Variants in DNAJB4 observed in about 807,000 individuals in gnomAD.
DNAJB4 encodes the protein dnaJ homolog subfamily B member 4.
A neutral mutation model predicts 26.6 loss-of-function variants in DNAJB4; 10 were observed. The ratio of observed to expected loss-of-function variants is 0.38; its 90% CI spans 0.23 to 0.64. The LOEUF is 0.64. DNAJB4 is among the 30% of genes least tolerant of loss of function. The pLI is 0.58. For missense variants in DNAJB4, 328 were observed against 408.2 expected, an observed-to-expected ratio of 0.80 and a Z score of 1.69; for synonymous variants, 136 against 134.8, an observed-to-expected ratio of 1.01 and a Z score of -0.06.
intron 1 of DNAJB4, among the ~76,000 whole-genome samples, chr1:77,986,208 C>T (rs148172546): frequency 2.0e-5 from 3 of 152,102 alleles, no homozygotes; most frequent in African/African-American, 7.2e-5. Context: ...GGTTACAGCC[C>T]GGGAACTTCA....
intron 1 of DNAJB4, chr1:77,980,339 A>ATGTGTGTG (rs201096933): frequency 1.6e-5 from 2 of 126,132 alleles, no homozygotes; most frequent in Admixed American, 7.4e-5. Flanking sequence ...ATATATATAT[A>ATGTGTGTG]TGTGTGTGTG....
chr1:77,997,983 T>C (rs1428040783), intron 1 of DNAJB4, among the ~76,000 whole-genome samples: 1 of 152,110 alleles, frequency 6.6e-6, no homozygotes, highest in African/African-American at 2.4e-5. Context: ...TTTTACCGTG[T>C]TGGCTGGTCT....
intron 2 of DNAJB4, among the ~76,000 whole-genome samples, chr1:78,014,240 T>G (rs1425626438): frequency 1.3e-5 from 2 of 151,918 alleles, no homozygotes; most frequent in Non-Finnish European, 2.9e-5. Flanking sequence ...CCTAAGTAGC[T>G]GGGATTACAG....
chr1:78,005,375 T>TC (rs1660305382), intron 1 of DNAJB4, 54 bp downstream of exon 1: 86 of 1,354,192 alleles, frequency 6.4e-5, no homozygotes, highest in African/African-American at 3.7e-4. Context: ...CTTTTTTTTT[T>TC]TTCTCTCTCT....
At chr1:77,991,762 A>G (rs997015682) in intron 1 of DNAJB4, among the ~76,000 whole-genome samples, 11 of 152,184 alleles carry the variant, frequency 7.2e-5, no homozygotes, top group African/African-American at 2.2e-4. Flanking sequence ...GCCTCTAAGC[A>G]TAGTGCTAAA....
Position 78,014,073 on chromosome 1 carries a change from TATA to T in DNAJB4, c.780+457_780+459del, listed in dbSNP as rs144426423. Among the ~76,000 whole-genome samples, 78 of 152,062 alleles carry T rather than the reference TATA, an allele frequency of 5.1e-4. 1 individual carries two copies. Among genetic ancestry groups the T allele is most frequent in the African/African-American group, 1.8e-3 (75 of 41,526 alleles). ...CATATAAATATATACATTTATAAATTATAATGCTACTATGTTAATACAATTATT... is the reference window on the plus strand; with the variant it reads ...CATATAAATATATACATTTATAAATTATGCTACTATGTTAATACAATTATT... On this transcript the variant is annotated intron_variant, in intron 2 of 2. Coordinates refer to ENST00000370763, the MANE Select transcript of DNAJB4 (RefSeq NM_007034.5).
At chr1:78,010,552 C>T (rs1351224776) in intron 1 of DNAJB4, among the ~76,000 whole-genome samples, 1 of 152,172 alleles carries the variant, frequency 6.6e-6, no homozygotes, top group Non-Finnish European at 1.5e-5. Flanking sequence ...TTGTTCAATA[C>T]ATATTTTGGC....
intron 1 of DNAJB4, among the ~76,000 whole-genome samples, chr1:77,995,126 A>G (rs1660029911): frequency 6.6e-6 from 1 of 152,238 alleles, no homozygotes. Flanking sequence ...TATTTCAAAT[A>G]TTTAGTACAA....
upstream of DNAJB4, among the ~76,000 whole-genome samples, chr1:78,001,298 C>G: frequency 6.6e-6 from 1 of 151,594 alleles, no homozygotes; most frequent in East Asian, 1.9e-4. Context: ...TATGATTGTG[C>G]CACTTCACTG....
At chr1:78,009,980 A>C (rs1660426763) in intron 1 of DNAJB4, among the ~76,000 whole-genome samples, 1 of 151,952 alleles carries the variant, frequency 6.6e-6, no homozygotes, top group Non-Finnish European at 1.5e-5. Flanking sequence ...TGCATAGTTG[A>C]CTGTTTAATA....
At position 78,004,984 on chromosome 1, in the gene DNAJB4, T is replaced by TAGCTGTCTTAAGGCAGCA; in HGVS notation, c.-122_-121insTCTTAAGGCAGCAAGCTG. 2 of 933,592 alleles carry TAGCTGTCTTAAGGCAGCA rather than the reference T, an allele frequency of 2.1e-6. No individual in the cohort carries two copies. Among genetic ancestry groups the TAGCTGTCTTAAGGCAGCA allele is most frequent in the Non-Finnish European group, 3.3e-6 (2 of 605,590 alleles). The allele number at this position is 933,592 out of a possible 1,614,324, so 57.8% of individuals were successfully genotyped here. The stretch of plus-strand genomic sequence containing the variant: ...TGTCTGCTTGCTGCCTTAAGACAGC[T>TAGCTGTCTTAAGGCAGCA]AGCTGAATTGCTGATTAACTTTTAA... On this transcript the variant is annotated 5_prime_UTR_variant, in exon 1 of 3. Coordinates refer to ENST00000370763, the MANE Select transcript of DNAJB4 (RefSeq NM_007034.5).
upstream of DNAJB4, among the ~76,000 whole-genome samples, chr1:78,003,187 C>T (rs1042922006): frequency 6.6e-6 from 1 of 152,064 alleles, no homozygotes; most frequent in Admixed American, 6.6e-5. Context: ...TGATACTGAT[C>T]CTTGCACTGG....
rs117344401 is a variant in DNAJB4, at chr1:77,994,259, A to G, written c.-31-10821A>G. 2.7e-4 allele frequency among the ~76,000 whole-genome samples: 41 copies of G among 152,088 alleles called. No homozygotes were observed. In the East Asian group the frequency reaches 7.5e-3, roughly 28 times the overall value. On this transcript the variant is annotated intron_variant, in intron 1 of 2. Transcript: ENST00000426517. ...TCTACAAAAGAAAAAATAGCTAGAC[A>G]TGGTGGCACATGCCTGTAGTCCCAG...
chr1:77,979,272 C>G, upstream of DNAJB4: 1 of 442,938 alleles, frequency 2.3e-6, no homozygotes, highest in South Asian at 3.6e-5. Context: ...CTTTTGGCAC[C>G]TCCTCTCCGC....
Position 78,016,230 on chromosome 1 carries a change from C to T in DNAJB4, c.997C>T (p.His333Tyr), listed in dbSNP as rs2102618021. ...TTCATCCAAAGAAGTACTTAGGAAA[C>T]ATCTTCCTGCCTCATAGAATGAAGA... The part of the protein sequence containing the change: ...SSSSKEVLRK[H>Y]LPAS The change falls in exon 3 of 3, where the codon CAT becomes TAT. Residue 333 changes from histidine to tyrosine, a missense_variant. Physicochemically the swap from His to Tyr is moderately conservative, Grantham distance 83 (BLOSUM62 2). Transcript: ENST00000370763. The T allele has an allele frequency of 6.2e-7, 1 of 1,613,600 alleles. No homozygotes were observed. The highest frequency in any genetic ancestry group is 8.5e-7 in the Non-Finnish European group (1 of 1,179,656).
chr1:78,014,114 A>T (rs995430319), intron 2 of DNAJB4, among the ~76,000 whole-genome samples: 4 of 151,366 alleles, frequency 2.6e-5, no homozygotes, highest in African/African-American at 9.7e-5. Flanking sequence ...TTGAGTTCTT[A>T]TTTGCACTAT....
rs761430033 is a variant in DNAJB4, at chr1:77,998,139, CT to C, written c.-31-6939del. On this transcript the variant is annotated intron_variant, in intron 1 of 2. Coordinates refer to the DNAJB4 transcript ENST00000426517. ...TCGTTATTAACTTTTTATTGTTTGTCTTCCCCCTCTAGAATGAGTTGAATGA... is the reference window on the plus strand; with the variant it reads ...TCGTTATTAACTTTTTATTGTTTGTCTCCCCCTCTAGAATGAGTTGAATGA... Among the ~76,000 whole-genome samples, 3 of 152,252 alleles carry C rather than the reference CT, an allele frequency of 2.0e-5. No individual in the cohort carries two copies. In the South Asian group the frequency reaches 6.2e-4, roughly 32 times the overall value.
chr1:77,982,151 A>G (rs1659665651), intron 1 of DNAJB4, among the ~76,000 whole-genome samples: 1 of 152,222 alleles, frequency 6.6e-6, no homozygotes, highest in Non-Finnish European at 1.5e-5. Flanking sequence ...TAAAGCTGCT[A>G]TATACAAATA....
chr1:78,013,004 T>C, intron 1 of DNAJB4, 47 bp from the exon 2 acceptor site: 1 of 1,492,998 alleles, frequency 6.7e-7, no homozygotes, highest in Middle Eastern at 1.8e-4. Flanking sequence ...AGTTTAACTT[T>C]TAAGAGTTGC....
Sources: gnomAD v4.1 joint callset for allele counts (sites outside exome capture counted in the v4.1 genomes callset) on GRCh38, gnomAD v4.1.1 for gene constraint, MANE v1.5 for transcripts, NCBI Gene and HGNC (gene_info 2026-07-23, HGNC 2026-07-21) for gene names.